Variants in ERC2 observed in about 807,000 individuals in gnomAD.
ERC2 encodes ERC protein 2.
A neutral mutation model predicts 114.8 loss-of-function variants in ERC2; 42 were observed. That is an observed-to-expected ratio of 0.37 (90% CI 0.29 to 0.47). The LOEUF (loss-of-function observed/expected upper bound fraction) is 0.47. Ranked by LOEUF, ERC2 falls within the 20% of genes least tolerant of loss-of-function variation. ERC2 has a pLI of 0.99. For synonymous variants in ERC2, 454 were observed against 425.5 expected (o/e 1.07, Z -0.82); for missense variants, 939 against 1,150.7 (o/e 0.82, Z 2.66).
chr3:55,725,479 A>C (rs1310441752), intron 15 of ERC2, among the ~76,000 whole-genome samples: 2 of 152,186 alleles, frequency 1.3e-5, no homozygotes, highest in Admixed American at 1.3e-4. Context: ...CCAGCAGGCA[A>C]AGGTTTTTGA....
chr3:56,266,960 T>C (rs1202199219), intron 3 of ERC2, among the ~76,000 whole-genome samples: 1 of 152,196 alleles, frequency 6.6e-6, no homozygotes, highest in Non-Finnish European at 1.5e-5. Flanking sequence ...AGCCAAGATA[T>C]GGGAACAACC....
chr3:55,770,400 T>TC (rs1201630523), intron 14 of ERC2, among the ~76,000 whole-genome samples: 3 of 152,144 alleles, frequency 2.0e-5, no homozygotes, highest in Non-Finnish European at 4.4e-5. Context: ...TATTAAAAAA[T>TC]CCCAGTTTGA....
chr3:56,364,692 C>T (rs1016369725), intron 2 of ERC2, among the ~76,000 whole-genome samples: 1 of 152,118 alleles, frequency 6.6e-6, no homozygotes, highest in Non-Finnish European at 1.5e-5. Context: ...ACTTTTGTAT[C>T]CATAAGAGAA....
intron 2 of ERC2, among the ~76,000 whole-genome samples, chr3:56,326,954 G>C (rs1032146976): frequency 3.9e-5 from 6 of 152,192 alleles, no homozygotes; most frequent in Non-Finnish European, 5.9e-5. Context: ...CGTATGTCTG[G>C]ATTCCACTTA....
chr3:55,986,424 T>G (rs2070642219), intron 11 of ERC2, among the ~76,000 whole-genome samples: 1 of 152,206 alleles, frequency 6.6e-6, no homozygotes, highest in Non-Finnish European at 1.5e-5. Flanking sequence ...GTCAGAAAGA[T>G]TTTTATTTGA....
At chr3:55,888,585 C>CT in intron 13 of ERC2, 36 bp from the exon 14 acceptor site, 1 of 1,608,452 alleles carries the variant, frequency 6.2e-7, no homozygotes, top group Non-Finnish European at 8.5e-7. Context: ...GTTATTTCTC[C>CT]TTCATTCAAG....
intron 2 of ERC2, among the ~76,000 whole-genome samples, chr3:56,299,551 T>G: frequency 6.6e-6 from 1 of 151,936 alleles, no homozygotes; most frequent in East Asian, 1.9e-4. Context: ...CACCTCAGCC[T>G]CCCAAGTAGC....
chr3:55,864,819 A>C (rs2062223143), intron 14 of ERC2, among the ~76,000 whole-genome samples: 1 of 152,066 alleles, frequency 6.6e-6, no homozygotes, highest in Non-Finnish European at 1.5e-5. Flanking sequence ...CATCATCACC[A>C]TTGTCATCAC....
chr3:56,099,817 A>G (rs1462434663), intron 6 of ERC2, among the ~76,000 whole-genome samples: 1 of 152,082 alleles, frequency 6.6e-6, no homozygotes, highest in Non-Finnish European at 1.5e-5. Context: ...AGAGGTCTAA[A>G]CTCCCTTTCA....
rs532951200 is a variant in ERC2 at position 56,058,494 on chromosome 3, A to G, written c.1641+22323T>C. Among the ~76,000 whole-genome samples, 12 of 152,306 alleles carry G rather than the reference A, an allele frequency of 7.9e-5. No homozygotes were observed. In the South Asian group the frequency reaches 1.0e-3, roughly 13 times the overall value. On this transcript the variant is annotated intron_variant, in intron 7 of 17. Transcript: ENST00000288221. ...ATGTGACTGTTAATTTTATGTGTCAATTTGGCTGGACCACGACACCAAGAT... is the reference window on the plus strand; with the variant it reads ...ATGTGACTGTTAATTTTATGTGTCAGTTTGGCTGGACCACGACACCAAGAT...
intron 13 of ERC2, among the ~76,000 whole-genome samples, chr3:55,897,540 C>T (rs1432566454): frequency 1.3e-5 from 2 of 152,164 alleles, no homozygotes; most frequent in Non-Finnish European, 2.9e-5. Flanking sequence ...CCCCATATCC[C>T]AGGTTGCAGC....
At chr3:56,218,430 C>T (rs944701890) in intron 3 of ERC2, among the ~76,000 whole-genome samples, 3 of 152,162 alleles carry the variant, frequency 2.0e-5, no homozygotes, top group Non-Finnish European at 4.4e-5. Context: ...CAAATCAAAA[C>T]CACAATGAGA....
At chr3:55,851,755 G>GAA (rs201244991) in intron 14 of ERC2, among the ~76,000 whole-genome samples, 1 of 138,570 alleles carries the variant, frequency 7.2e-6, no homozygotes. Flanking sequence ...AACTGCATGA[G>GAA]AAAAAAAAAA....
chr3:55,909,048 A>G (rs1185498544), intron 13 of ERC2, among the ~76,000 whole-genome samples: 1 of 152,158 alleles, frequency 6.6e-6, no homozygotes, highest in Admixed American at 6.5e-5. Context: ...TATTATTTCC[A>G]TGTTACAGAT....
At chr3:56,141,970 C>T (rs1447832792) in intron 5 of ERC2, among the ~76,000 whole-genome samples, 4 of 152,070 alleles carry the variant, frequency 2.6e-5, no homozygotes, top group Non-Finnish European at 4.4e-5. Flanking sequence ...GTGTTCCTTC[C>T]TTTAATGTGT....
intron 10 of ERC2, among the ~76,000 whole-genome samples, chr3:55,998,228 G>A (rs1559997921): frequency 6.6e-6 from 1 of 151,656 alleles, no homozygotes; most frequent in Non-Finnish European, 1.5e-5. Flanking sequence ...ATATTCTTAT[G>A]TCTCTCTCTC....
intron 14 of ERC2, among the ~76,000 whole-genome samples, chr3:55,862,449 T>C (rs2062072796): frequency 6.6e-6 from 1 of 152,158 alleles, no homozygotes; most frequent in South Asian, 2.1e-4. Context: ...TGGCTAGAGC[T>C]GTGGCAGAAA....
At chr3:56,019,417 T>C (rs1357416402) in intron 7 of ERC2, among the ~76,000 whole-genome samples, 1 of 152,178 alleles carries the variant, frequency 6.6e-6, no homozygotes, top group African/African-American at 2.4e-5. Context: ...AAACAGACAT[T>C]TACTGGAGAG....
At chr3:55,791,717 T>C (rs2149078132) in intron 14 of ERC2, among the ~76,000 whole-genome samples, 1 of 152,328 alleles carries the variant, frequency 6.6e-6, no homozygotes, top group South Asian at 2.1e-4. Context: ...AAATTCTTAT[T>C]TGTGGTCAAT....
Sources: allele counts gnomAD v4.1 joint callset (sites outside exome capture counted in the v4.1 genomes callset), GRCh38; gene constraint gnomAD v4.1.1; transcripts MANE v1.5; gene names NCBI Gene and HGNC (gene_info 2026-07-23, HGNC 2026-07-21).